TLCD3B: variants seen among roughly 807,000 people sequenced by gnomAD.
The protein encoded by TLCD3B is ceramide synthase.
A neutral mutation model predicts 23.0 loss-of-function variants in TLCD3B; 9 were observed. That is an observed-to-expected ratio of 0.39 (90% CI 0.24 to 0.68). The LOEUF is 0.68. Ranked by LOEUF, TLCD3B falls within the 30% of genes least tolerant of loss-of-function variation. The pLI, the probability that TLCD3B is intolerant of heterozygous loss-of-function variation, is 0.44. For missense variants in TLCD3B, 307 were observed against 371.8 expected (o/e 0.83, Z 1.43); for synonymous variants, 161 against 161.0 (o/e 1.00, Z 0.00).
Position 30,029,401 on chromosome 16 carries a change from C to G in TLCD3B, c.209+31G>C. On this transcript the variant is annotated intron_variant, in intron 2 of 4. Transcript: ENST00000380495. The surrounding 1 kb of genome is among the most constrained non-coding windows in gnomAD (Gnocchi z 4.6). ...TACCCGTACACGCCAACCACTGGCACCTGGGCAGGGGGGTGTCTCGCAGCA... is the reference window on the plus strand; with the variant it reads ...TACCCGTACACGCCAACCACTGGCAGCTGGGCAGGGGGGTGTCTCGCAGCA... 6.2e-7 allele frequency: 1 copy of G among 1,601,748 alleles called. No individual in the cohort carries two copies. The highest frequency in any genetic ancestry group is 8.6e-7 in the Non-Finnish European group (1 of 1,169,568).
In TLCD3B at chr16:30,030,881, C is replaced by T. The variant is rs1413620781; in HGVS notation, c.-354G>A. 1.9e-6 allele frequency: 1 copy of T among 535,818 alleles called. No homozygotes were observed. The highest frequency in any genetic ancestry group is 2.5e-5 in the African/African-American group (1 of 40,554). 33.2% of individuals were successfully genotyped at this position (535,818 alleles called of 1,614,324 possible). A position where few individuals can be genotyped will look rare whatever the true frequency, so the allele number is the denominator to read the frequency against. ...CGGATGGGGGAGGGGAGGGAGCCAC[C>T]AGGCAGGTGGGGAGGGGAGGCTTAC... On this transcript the variant is annotated 5_prime_UTR_variant, in exon 1 of 5. Coordinates refer to ENST00000380495, the MANE Select transcript of TLCD3B (RefSeq NM_031478.6).
chr16:30,048,971 A>C (rs1242365652), intron 1 of TLCD3B, among the ~76,000 whole-genome samples: 1 of 152,108 alleles, frequency 6.6e-6, no homozygotes, highest in East Asian at 1.9e-4. Flanking sequence ...GGGTTTTGCC[A>C]TGCTAGCCAA....
At position 30,025,517 on chromosome 16, in the gene TLCD3B, C is replaced by T. The variant is rs765443352; in HGVS notation, c.541-50G>A. The T allele has an allele frequency of 6.2e-7, 1 of 1,602,818 alleles. No individual in the cohort carries two copies. Among genetic ancestry groups the T allele is most frequent in the Non-Finnish European group, 8.5e-7 (1 of 1,174,568 alleles). On this transcript the variant is annotated intron_variant, in intron 4 of 4. Transcript: ENST00000380495. This position sits in a 1 kb window ranked among gnomAD's most constrained non-coding sequence, Gnocchi z 4.1. ...CACGGCAGCAGAAGGGCTCGGCCCC[C>T]CTTGGCCCTCTCCCTGCCTCCCTGC...
chr16:30,034,247 C>T (rs558276182), upstream of TLCD3B, among the ~76,000 whole-genome samples: 1 of 151,736 alleles, frequency 6.6e-6, no homozygotes, highest in Non-Finnish European at 1.5e-5. Flanking sequence ...CACTGCACTT[C>T]AGCCTGGGTG....
At chr16:30,032,082 T>C (rs1370402017), upstream of TLCD3B, among the ~76,000 whole-genome samples, 2 of 152,228 alleles carry the variant, frequency 1.3e-5, no homozygotes, top group South Asian at 2.1e-4. Context: ...CTCTGCAACT[T>C]CCACATACAG....
chr16:30,049,340 G>A (rs2071716512), intron 1 of TLCD3B, among the ~76,000 whole-genome samples: 2 of 152,138 alleles, frequency 1.3e-5, no homozygotes, highest in Non-Finnish European at 2.9e-5. Context: ...GTCCATTGGA[G>A]GCAGCTGAAA....
At chr16:30,033,280 T>C (rs945080366), upstream of TLCD3B, 3 of 152,140 alleles carry the variant, frequency 2.0e-5, no homozygotes, top group African/African-American at 7.2e-5. Context: ...AAAACCATAG[T>C]TGCATAACCC....
Position 30,043,621 on chromosome 16 carries a change from C to T in TLCD3B, c.-228-2465G>A, listed in dbSNP as rs567981719. Among the ~76,000 whole-genome samples, 11 of 151,128 alleles carry T rather than the reference C, an allele frequency of 7.3e-5. No individual in the cohort carries two copies. In the East Asian group the frequency reaches 1.4e-3, roughly 19 times the overall value. On this transcript the variant is annotated intron_variant, in intron 2 of 6. Transcript: ENST00000561666. ...TCATGCAGGTAGAAAGTGGCACAAG[C>T]GGGGATTTGAACCAAGTAATCTGAT...
chr16:30,027,515 C>A (rs1003870789), intron 2 of TLCD3B: 1 of 451,592 alleles, frequency 2.2e-6, no homozygotes, highest in Non-Finnish European at 4.5e-6. Context: ...CAGAGACAGA[C>A]CCTGTTGGCA....
At chr16:30,026,939 G>T in intron 2 of TLCD3B, 96 bp from the exon 3 acceptor site, 1 of 1,062,762 alleles carries the variant, frequency 9.4e-7, no homozygotes, top group Non-Finnish European at 1.4e-6. Context: ...GCCCTGGACA[G>T]GAGCGGAGTC....
intron 3 of TLCD3B, chr16:30,036,562 T>C (rs138124210): frequency 1.3e-5 from 6 of 463,546 alleles, no homozygotes; most frequent in South Asian, 2.1e-5. Context: ...GTAGAGGCAG[T>C]TGGGGAGGGC....
chr16:30,047,181 C>G lies in TLCD3B; in HGVS notation c.-293-794G>C, dbSNP rs147301752. Among the ~76,000 whole-genome samples the G allele has an allele frequency of 4.3e-3, 659 of 152,128 alleles. 6 individuals carry two copies. The highest frequency in any genetic ancestry group is 0.015 in the African/African-American group (615 of 41,488). ...TCTGTCTGTCTGTCTATCTATCTATCTATCTATCTATCTAGCGCAATCTCG... is the reference window on the plus strand; with the variant it reads ...TCTGTCTGTCTGTCTATCTATCTATGTATCTATCTATCTAGCGCAATCTCG... On this transcript the variant is annotated intron_variant, in intron 1 of 6. Transcript: ENST00000561666.
chr16:30,047,198 G>A (rs771572398), intron 1 of TLCD3B, among the ~76,000 whole-genome samples: 3 of 151,736 alleles, frequency 2.0e-5, no homozygotes, highest in Admixed American at 6.6e-5. Flanking sequence ...TCTATCTAGC[G>A]CAATCTCGGC....
chr16:30,027,689 G>A lies in TLCD3B; in HGVS notation c.210-846C>T, dbSNP rs930329289. 6 of 455,074 alleles carry A rather than the reference G, an allele frequency of 1.3e-5. No homozygotes were observed. The East Asian group carries it at 2.8e-4, about 21-fold the overall frequency. 28.2% of individuals were successfully genotyped at this position (455,074 alleles called of 1,614,324 possible). ...ATGTACTTGGAGAGTAAACAAAAAC[G>A]AGAAATGGATGAATAGACAAGACAG... On this transcript the variant is annotated intron_variant, in intron 2 of 4. Transcript: ENST00000380495.
chr16:30,040,147 A>AAAAATATATATATATATATATATATATAT, intron 3 of TLCD3B, among the ~76,000 whole-genome samples: 2 of 95,906 alleles, frequency 2.1e-5, no homozygotes, highest in African/African-American at 8.7e-5. Context: ...AAAAAAAAAA[A>AAAAATATATATATATATATATATATATAT]ATATATATAT....
At chr16:30,035,979 T>G (rs2071465065), upstream of TLCD3B, among the ~76,000 whole-genome samples, 1 of 152,034 alleles carries the variant, frequency 6.6e-6, no homozygotes, top group South Asian at 2.1e-4. Context: ...GCCAGGATGG[T>G]CTCGAATTCC....
At chr16:30,041,713 C>A (rs2071582045) in intron 2 of TLCD3B, among the ~76,000 whole-genome samples, 1 of 143,182 alleles carries the variant, frequency 7.0e-6, no homozygotes, top group Middle Eastern at 3.3e-3. Context: ...CAGAGTGGGA[C>A]TCTGTCTCAA....
intron 2 of TLCD3B, among the ~76,000 whole-genome samples, chr16:30,044,454 C>A (rs545245303): frequency 1.3e-5 from 2 of 151,780 alleles, no homozygotes; most frequent in East Asian, 3.9e-4. Context: ...ATTACAGGTG[C>A]CTGCCACCAC....
At chr16:30,036,100 C>A, upstream of TLCD3B, 1 of 1,234,214 alleles carries the variant, frequency 8.1e-7, no homozygotes, top group Non-Finnish European at 1.0e-6. Flanking sequence ...CCATCTTCTG[C>A]ATGCCCCGCC....
Sources: gnomAD v4.1 joint callset for allele counts (sites outside exome capture counted in the v4.1 genomes callset) on GRCh38, gnomAD v4.1.1 for gene constraint, Gnocchi (gnomAD v3.1) non-coding constraint, MANE v1.5 for transcripts, NCBI Gene and HGNC (gene_info 2026-07-23, HGNC 2026-07-21) for gene names.